Variants in POLN observed in about 807,000 individuals in gnomAD.
POLN encodes DNA polymerase nu.
POLN carries 108 observed loss-of-function variants against 113.5 expected under a neutral mutation model. The observed-to-expected ratio is 0.95, with a 90% CI of 0.81 to 1.12. The LOEUF (loss-of-function observed/expected upper bound fraction) is 1.12, where lower values mean the gene tolerates loss of function less well. Among genes scored for constraint, POLN ranks in the 50% most tolerant of loss-of-function variants. POLN has a pLI of 0.00. For missense variants in POLN, 1,097 were observed against 1,077.1 expected, an observed-to-expected ratio of 1.02 and a Z score of -0.26; for synonymous variants, 386 against 391.5, an observed-to-expected ratio of 0.99 and a Z score of 0.17.
intron 3 of POLN, among the ~76,000 whole-genome samples, chr4:2,221,505 G>A (rs976734111): frequency 1.3e-5 from 2 of 152,188 alleles, no homozygotes; most frequent in African/African-American, 4.8e-5. Flanking sequence ...TAAAAATACA[G>A]ATTCACTAAA....
Position 2,129,333 on chromosome 4 carries a change from T to C in POLN, c.1790-77A>G, listed in dbSNP as rs34129641. ...TAGCTATTCCTCAATACAATATTAT[T>C]TGAATATTATTCTGAAGTCCAGAGT... On this transcript the variant is annotated intron_variant, in intron 17 of 25. Coordinates refer to ENST00000511885, the MANE Select transcript of POLN (RefSeq NM_181808.4). The C allele has an allele frequency of 0.03, 27,102 of 897,522 alleles. 4,396 individuals are homozygous for C. The African/African-American group carries it at 0.37, about 12-fold the overall frequency. The allele number at this position is 897,522 out of a possible 1,614,324, so 55.6% of individuals were successfully genotyped here.
chr4:2,201,783 C>A (rs1179714702), intron 5 of POLN, among the ~76,000 whole-genome samples: 2 of 152,138 alleles, frequency 1.3e-5, no homozygotes, highest in African/African-American at 4.8e-5. Flanking sequence ...AGGAAAGAAT[C>A]TTAAGAGCTA....
chr4:2,140,264 G>A (rs993582952), intron 16 of POLN, among the ~76,000 whole-genome samples: 2 of 152,014 alleles, frequency 1.3e-5, no homozygotes, highest in African/African-American at 4.8e-5. Context: ...TTTTAGTAGA[G>A]ACGGGGGTTT....
intron 19 of POLN, among the ~76,000 whole-genome samples, chr4:2,100,664 C>A (rs543977022): frequency 1.3e-5 from 2 of 151,858 alleles, no homozygotes; most frequent in Admixed American, 1.3e-4. Context: ...AACAGTCAGG[C>A]CAAAGTTAAA....
chr4:2,241,718 GC>G lies in POLN; in HGVS notation c.-212del, dbSNP rs1734996529. On this transcript the variant is annotated 5_prime_UTR_variant, in exon 2 of 26. Transcript: ENST00000511885. ...AGCCCCAGGGATCCGCGGCCCCAAGGCCGCGATACACCAGACGCGCCAGCGG... is the reference window on the plus strand; with the variant it reads ...AGCCCCAGGGATCCGCGGCCCCAAGGCGCGATACACCAGACGCGCCAGCGG... 1.0e-6 allele frequency: 1 copy of G among 985,488 alleles called. No homozygotes were observed. The highest frequency in any genetic ancestry group is 1.1e-4 in the East Asian group (1 of 8,812). 61.0% of individuals were successfully genotyped at this position (985,488 alleles called of 1,614,324 possible).
intron 21 of POLN, among the ~76,000 whole-genome samples, chr4:2,084,643 CCA>C (rs1322779583): frequency 1.3e-5 from 2 of 152,222 alleles, no homozygotes; most frequent in African/African-American, 4.8e-5. Context: ...GGCATGGGCC[CCA>C]GAGTGAAAAG....
At chr4:2,153,645 G>A (rs1372242581) in intron 16 of POLN, among the ~76,000 whole-genome samples, 1 of 151,146 alleles carries the variant, frequency 6.6e-6, no homozygotes, top group African/African-American at 2.4e-5. Flanking sequence ...GTGCAGTGGC[G>A]CCATCTCAGC....
intron 7 of POLN, among the ~76,000 whole-genome samples, chr4:2,188,643 A>C (rs1039240414): frequency 4.6e-5 from 7 of 151,398 alleles, no homozygotes; most frequent in South Asian, 2.1e-4. Context: ...ACAAAAAAAA[A>C]CCACGAACAT....
chr4:2,073,338 C>T (rs561080962), intron 24 of POLN, among the ~76,000 whole-genome samples: 1 of 152,204 alleles, frequency 6.6e-6, no homozygotes. Flanking sequence ...CTGGCCCTCA[C>T]CCCTACCCCT....
chr4:2,240,745 C>G (rs747113129), intron 2 of POLN: 3 of 1,613,944 alleles, frequency 1.9e-6, no homozygotes, highest in South Asian at 1.1e-5. Context: ...ATAGGCTTGC[C>G]TGATTTCTGA....
rs184690208 is a variant in POLN, at chr4:2,184,325, A to G, written c.1022-4860T>C. Among the ~76,000 whole-genome samples the G allele has an allele frequency of 2.5e-3, 385 of 152,176 alleles. 1 individual carries two copies. The highest frequency in any genetic ancestry group is 5.4e-3 in the South Asian group (26 of 4,818). On this transcript the variant is annotated intron_variant, in intron 7 of 25. Transcript: ENST00000511885. ...AAAAAGACCAAGTCACTAATTAGGG[A>G]AAGAGAATCAGATTTTCACCACACT...
intron 3 of POLN, among the ~76,000 whole-genome samples, chr4:2,221,069 G>A (rs1186540657): frequency 2.6e-5 from 4 of 152,050 alleles, no homozygotes; most frequent in East Asian, 3.8e-4. Flanking sequence ...GGGGGGAAGC[G>A]CTCAGGGTGG....
At chr4:2,172,837 A>G (rs2146518) in intron 11 of POLN, among the ~76,000 whole-genome samples, 127,513 of 152,092 alleles carry the variant, frequency 0.84, 54,737 homozygotes, top group Non-Finnish European at 0.94. Context: ...CTGTGCCCAC[A>G]GGCACAGGGA....
intron 13 of POLN, among the ~76,000 whole-genome samples, chr4:2,166,847 T>C (rs1732740894): frequency 1.3e-5 from 2 of 152,012 alleles, no homozygotes; most frequent in South Asian, 4.2e-4. Context: ...CTTCCCTGGG[T>C]CTCCAGCTTG....
chr4:2,088,728 C>CT (rs371030140), intron 20 of POLN: 890 of 1,154,578 alleles, frequency 7.7e-4, no homozygotes, highest in East Asian at 1.9e-3. Flanking sequence ...CTAGTAAATG[C>CT]TTTTTTTTTA....
At chr4:2,097,976 T>C (rs1394012943) in intron 19 of POLN, among the ~76,000 whole-genome samples, 2 of 152,256 alleles carry the variant, frequency 1.3e-5, no homozygotes, top group African/African-American at 4.8e-5. Flanking sequence ...ATCCCAGACT[T>C]CACTGATTTT....
intron 19 of POLN, among the ~76,000 whole-genome samples, chr4:2,112,419 A>T (rs1476777663): frequency 6.6e-6 from 1 of 152,160 alleles, no homozygotes; most frequent in Non-Finnish European, 1.5e-5. Context: ...TCTGCACAGC[A>T]AAAGAAACCA....
Position 2,197,207 on chromosome 4 carries a change from T to C in POLN, c.908+1317A>G, listed in dbSNP as rs35886431. On this transcript the variant is annotated intron_variant, in intron 6 of 25. Transcript: ENST00000511885. ...CTGATTTATGCTTTAACAGGCCAGC[T>C]CTGGGTGCTGCACAGAAAACAGACT... Among the ~76,000 whole-genome samples, 31 of 152,256 alleles carry C rather than the reference T, an allele frequency of 2.0e-4. No individual in the cohort carries two copies. The East Asian group carries it at 4.6e-3, about 23-fold the overall frequency.
At chr4:2,236,302 T>C in intron 2 of POLN, 1 of 1,613,908 alleles carries the variant, frequency 6.2e-7, no homozygotes, top group Non-Finnish European at 8.5e-7. Flanking sequence ...TTATTCCGTT[T>C]GGACAGAAAG....
Sources: gnomAD v4.1 joint callset for allele counts (sites outside exome capture counted in the v4.1 genomes callset) on GRCh38, gnomAD v4.1.1 for gene constraint, MANE v1.5 for transcripts, NCBI Gene and HGNC (gene_info 2026-07-23, HGNC 2026-07-21) for gene names.